Variants in CTNNA2 observed in about 807,000 individuals in gnomAD.
CTNNA2 encodes the protein catenin alpha 2, also known as catenin alpha-2.
A neutral mutation model predicts 101.0 loss-of-function variants in CTNNA2; 42 were observed. The ratio of observed to expected loss-of-function variants is 0.42; its 90% confidence interval spans 0.32 to 0.54. CTNNA2 has a LOEUF of 0.54. Among genes scored for constraint, CTNNA2 ranks in the 20% least tolerant of loss-of-function variants. CTNNA2 has a pLI of 0.14. For synonymous variants in CTNNA2, 450 were observed against 456.4 expected (o/e 0.99, Z 0.18); for missense variants, 871 against 1,223.1 (o/e 0.71, Z 4.29).
At chr2:80,322,295 C>CAAAA (rs1159045286) in intron 7 of CTNNA2, among the ~76,000 whole-genome samples, 14 of 152,256 alleles carry the variant, frequency 9.2e-5, no homozygotes, top group African/African-American at 3.1e-4. Context: ...CAGTGTCTTC[C>CAAAA]CTAAGCCCCT....
At position 79,595,679 on chromosome 2, in the gene CTNNA2, C is replaced by T. The variant is rs141319767; in HGVS notation, c.-5-55873C>T. Among the ~76,000 whole-genome samples, 310 of 151,834 alleles carry T rather than the reference C, an allele frequency of 2.0e-3. 2 individuals are homozygous for T. The highest frequency in any genetic ancestry group is 7.1e-3 in the African/African-American group (293 of 41,198). ...TCTTCCTTAGTCTTAACTCTCGCTA[C>T]GCTACCTTAATTTAGACCTTCGTTT... On this transcript the variant is annotated intron_variant, in intron 1 of 18. Coordinates refer to ENST00000402739, the MANE Select transcript of CTNNA2 (RefSeq NM_001282597.3).
At chr2:80,272,115 A>T (rs145609109) in intron 7 of CTNNA2, among the ~76,000 whole-genome samples, 13 of 152,360 alleles carry the variant, frequency 8.5e-5, no homozygotes, top group African/African-American at 2.9e-4. Context: ...GCAATACATC[A>T]TTTTAGAAAG....
At chr2:79,274,522 CTT>C (rs1675164056) in intron 2 of CTNNA2, among the ~76,000 whole-genome samples, 1 of 152,032 alleles carries the variant, frequency 6.6e-6, no homozygotes, top group South Asian at 2.1e-4. Context: ...TAAATAACCT[CTT>C]ATCTTAACAT....
chr2:79,810,414 T>C (rs1228672847), intron 3 of CTNNA2, among the ~76,000 whole-genome samples: 2 of 151,904 alleles, frequency 1.3e-5, no homozygotes, highest in African/African-American at 4.8e-5. Flanking sequence ...GATTCATTTA[T>C]CTCCCCCTGG....
At chr2:80,478,348 T>C (rs1244903738) in intron 9 of CTNNA2, among the ~76,000 whole-genome samples, 1 of 152,170 alleles carries the variant, frequency 6.6e-6, no homozygotes, top group South Asian at 2.1e-4. Context: ...ATAGGTGGTC[T>C]TTTTATCTGT....
At chr2:80,195,957 G>A (rs1020100565) in intron 7 of CTNNA2, among the ~76,000 whole-genome samples, 1 of 152,084 alleles carries the variant, frequency 6.6e-6, no homozygotes, top group Non-Finnish European at 1.5e-5. Flanking sequence ...TTAATAGCCA[G>A]AGCTCTCTAT....
intron 7 of CTNNA2, among the ~76,000 whole-genome samples, chr2:80,022,892 T>G (rs1311786551): frequency 6.6e-6 from 1 of 152,150 alleles, no homozygotes; most frequent in African/African-American, 2.4e-5. Context: ...TAGAGGGCCA[T>G]CATTCAGATC....
intron 12 of CTNNA2, among the ~76,000 whole-genome samples, chr2:80,569,481 A>T (rs1046986039): frequency 1.3e-5 from 2 of 152,036 alleles, no homozygotes; most frequent in African/African-American, 2.4e-5. Context: ...GCTTCTATTT[A>T]TATTCCTATA....
chr2:80,127,177 CA>C (rs1702183283), intron 7 of CTNNA2, among the ~76,000 whole-genome samples: 1 of 152,146 alleles, frequency 6.6e-6, no homozygotes. Flanking sequence ...TGTCTGTCCC[CA>C]AATCAACTTT....
chr2:80,360,769 A>G (rs1195942902), intron 7 of CTNNA2, among the ~76,000 whole-genome samples: 1 of 152,092 alleles, frequency 6.6e-6, no homozygotes, highest in Non-Finnish European at 1.5e-5. Flanking sequence ...TTAATCTACA[A>G]TGATAGCATT....
At chr2:79,720,417 A>G (rs1311913209) in intron 2 of CTNNA2, among the ~76,000 whole-genome samples, 1 of 151,872 alleles carries the variant, frequency 6.6e-6, no homozygotes, top group Non-Finnish European at 1.5e-5. Context: ...TTTTTTTTCT[A>G]ATTCTGTGAA....
chr2:79,915,292 TACACACACACACAAACAC>T (rs1340936963), intron 7 of CTNNA2, among the ~76,000 whole-genome samples: 1 of 109,616 alleles, frequency 9.1e-6, no homozygotes, highest in Non-Finnish European at 1.8e-5. Context: ...GTGGTATATT[TACACACACACACAAACAC>T]ACACACACAC....
intron 7 of CTNNA2, among the ~76,000 whole-genome samples, chr2:79,977,448 C>G (rs1479632218): frequency 6.6e-6 from 1 of 152,074 alleles, no homozygotes; most frequent in African/African-American, 2.4e-5. Flanking sequence ...GGACAGCCCC[C>G]ACCACGAGAA....
At chr2:79,947,810 C>T (rs1246817870) in intron 7 of CTNNA2, among the ~76,000 whole-genome samples, 1 of 151,906 alleles carries the variant, frequency 6.6e-6, no homozygotes, top group Non-Finnish European at 1.5e-5. Flanking sequence ...GTGTAAGTGC[C>T]CCAAAGAAAG....
intron 7 of CTNNA2, among the ~76,000 whole-genome samples, chr2:80,060,998 G>A (rs1697563874): frequency 1.3e-5 from 2 of 152,044 alleles, no homozygotes; most frequent in South Asian, 4.1e-4. Context: ...GGAATGGCCT[G>A]AAGCCTCCAT....
At chr2:80,009,756 G>GTTTGTGTGTC (rs367758452) in intron 7 of CTNNA2, among the ~76,000 whole-genome samples, 2 of 148,108 alleles carry the variant, frequency 1.4e-5, no homozygotes, top group Admixed American at 1.3e-4. Context: ...GTGTGTCAGA[G>GTTTGTGTGTC]AGAGAGACAG....
chr2:80,300,965 AAAGC>A (rs1676246980), intron 7 of CTNNA2, among the ~76,000 whole-genome samples: 2 of 151,516 alleles, frequency 1.3e-5, no homozygotes, highest in Admixed American at 1.3e-4. Context: ...AAAAAAAGGG[AAAGC>A]AAGCATTACA....
intron 3 of CTNNA2, among the ~76,000 whole-genome samples, chr2:79,330,116 C>G (rs1437632366): frequency 1.3e-5 from 2 of 152,148 alleles, no homozygotes; most frequent in Non-Finnish European, 2.9e-5. Context: ...TCACCTCTAC[C>G]TGGCACTAAT....
intron 2 of CTNNA2, among the ~76,000 whole-genome samples, chr2:79,708,105 C>A (rs1249567396): frequency 1.3e-5 from 2 of 152,170 alleles, no homozygotes; most frequent in Non-Finnish European, 2.9e-5. Context: ...GTAATGCCCA[C>A]TGATTTTTAG....
Sources: allele counts gnomAD v4.1 joint callset (sites outside exome capture counted in the v4.1 genomes callset), GRCh38; gene constraint gnomAD v4.1.1; transcripts MANE v1.5; gene names NCBI Gene and HGNC (gene_info 2026-07-23, HGNC 2026-07-21).